The following URB2 variants were observed in gnomAD, a reference collection of about 807,000 sequenced individuals.
URB2 encodes the protein unhealthy ribosome biogenesis protein 2 homolog.
In URB2, 86 loss-of-function variants were observed where a neutral mutation model predicts 120.9. The observed-to-expected ratio is 0.71, with a 90% CI of 0.60 to 0.85. The LOEUF is 0.85. URB2 is among the 40% of genes least tolerant of loss of function. URB2 has a pLI of 0.00. For missense variants in URB2, 1,765 were observed against 1,836.5 expected, an observed-to-expected ratio of 0.96 and a Z score of 0.71; for synonymous variants, 755 against 758.4, an observed-to-expected ratio of 1.00 and a Z score of 0.07.
intron 8 of URB2, 123 bp downstream of exon 8, chr1:229,651,445 A>C: frequency 1.4e-6 from 1 of 692,592 alleles, no homozygotes; most frequent in African/African-American, 1.8e-5. Flanking sequence ...ATGATATCAA[A>C]TGAATACTCA....
At chr1:229,640,703 A>G (rs1023347809) in intron 4 of URB2, among the ~76,000 whole-genome samples, 1 of 152,202 alleles carries the variant, frequency 6.6e-6, no homozygotes, top group Admixed American at 6.5e-5. Context: ...CTGAAGTGCC[A>G]TGGGCCAAAT....
In URB2 at chr1:229,636,620, T is replaced by C; in HGVS notation, c.2007T>C (p.Leu669=). 1 of 1,614,260 alleles carries C rather than the reference T, an allele frequency of 6.2e-7. No individual in the cohort carries two copies. The highest frequency in any genetic ancestry group is 1.3e-5 in the African/African-American group (1 of 75,068). ...IEKFTAQFSS[L]GTYCLEQLYL... ...AGTTTACAGCTCAGTTCAGCTCTCTTGGTACATATTGCTTAGAACAGCTGT... is the reference window on the plus strand; with the variant it reads ...AGTTTACAGCTCAGTTCAGCTCTCTCGGTACATATTGCTTAGAACAGCTGT... The change falls in exon 4 of 10, where the codon CTT becomes CTC. Residue 669 remains leucine, a synonymous_variant. Transcript: ENST00000258243.
Position 229,647,683 on chromosome 1 carries a change from G to C in URB2, c.4080G>C (p.Pro1360=). Residue 1360 remains proline, a synonymous_variant, in exon 7 of 10, where the codon CCG becomes CCC. Transcript: ENST00000258243. The part of the protein sequence containing the change: ...LLTVPLDHLK[P]LEYGSVFPRL... ...CTGTCCCTTTGGACCATCTGAAGCCGCTGGAGTATGGAAGCGTCTTCCCGA... is the reference window on the plus strand; with the variant it reads ...CTGTCCCTTTGGACCATCTGAAGCCCCTGGAGTATGGAAGCGTCTTCCCGA... 3 of 1,614,102 alleles carry C rather than the reference G, an allele frequency of 1.9e-6. No homozygotes were observed. The highest frequency in any genetic ancestry group is 1.7e-6 in the Non-Finnish European group (2 of 1,180,028).
chr1:229,635,395 A>G lies in URB2; in HGVS notation c.782A>G (p.Gln261Arg). The change falls in exon 4 of 10, where the codon CAG becomes CGG. Residue 261 changes from glutamine (Q) to arginine (R), a missense_variant. By Grantham distance (43) the Gln-to-Arg change is conservative. Transcript: ENST00000258243. ...TCCTACAAGGAGGGGCTCTTGGACC[A>G]GCAGCAAGGGGATGTGAAGACGGGA... ...LSSYKEGLLD[Q>R]QQGDVKTGAM... The G allele has an allele frequency of 6.2e-7, 1 of 1,614,142 alleles. No individual in the cohort carries two copies.
chr1:229,639,430 G>A (rs1665947672), intron 4 of URB2, among the ~76,000 whole-genome samples: 1 of 151,800 alleles, frequency 6.6e-6, no homozygotes, highest in Non-Finnish European at 1.5e-5. Flanking sequence ...CGCTTCCCGG[G>A]TTCATGCCAT....
Position 229,635,487 on chromosome 1 carries a change from G to A in URB2, c.874G>A (p.Ala292Thr). ...CAGGCTGGTTGATGCTGGCTACTGT[G>A]CAGCATCCCTTCATACCTCTGTTGT... Reference protein sequence around the residue: ...LNRLVDAGYCAASLHTSVVAN... With the variant: ...LNRLVDAGYCTASLHTSVVAN... Residue 292 changes from alanine (A) to threonine (T), a missense_variant, in exon 4 of 10, where the codon GCA becomes ACA. Ala to Thr is a moderately conservative substitution (Grantham distance 58). Transcript: ENST00000258243. The A allele has an allele frequency of 6.2e-7, 1 of 1,613,626 alleles. No individual in the cohort carries two copies. The highest frequency in any genetic ancestry group is 2.2e-5 in the East Asian group (1 of 44,880).
intron 9 of URB2, among the ~76,000 whole-genome samples, chr1:229,658,412 C>T (rs1353139324): frequency 6.6e-6 from 1 of 152,176 alleles, no homozygotes; most frequent in Non-Finnish European, 1.5e-5. Flanking sequence ...AGAAGTGCAT[C>T]TTTAGGGATG....
intron 7 of URB2, among the ~76,000 whole-genome samples, chr1:229,648,771 A>T (rs1218621928): frequency 6.6e-6 from 1 of 152,236 alleles, no homozygotes; most frequent in African/African-American, 2.4e-5. Flanking sequence ...CTGACTATGT[A>T]TGTAGGAACT....
intron 8 of URB2, 130 bp from the exon 9 acceptor site, chr1:229,654,119 G>A: frequency 7.6e-7 from 1 of 1,320,682 alleles, no homozygotes. Flanking sequence ...TGCAAAATAA[G>A]CCAATTAAAG....
chr1:229,632,505 C>T, intron 3 of URB2, 60 bp downstream of exon 3: 1 of 1,408,606 alleles, frequency 7.1e-7, no homozygotes, highest in Non-Finnish European at 9.4e-7. Context: ...CTTGTTAATG[C>T]TGGAAACTTG....
In URB2 at chr1:229,632,269, G is replaced by T. The variant is rs1306515523; in HGVS notation, c.127G>T (p.Val43Leu). The change falls in exon 3 of 10, where the codon GTG (valine) becomes TTG (leucine). Residue 43 changes from valine (V) to leucine (L), a missense_variant and splice_region_variant. Val to Leu is a conservative substitution (Grantham distance 32, BLOSUM62 1). Transcript: ENST00000258243. Reference protein sequence around the residue: ...HQCFLPNKEQVLLDWARQSLV... With the variant: ...HQCFLPNKEQLLLDWARQSLV... ...CAGTGTATGTGTCCTTCAAATTCAG[G>T]TGTTACTTGATTGGGCAAGACAATC... 6.5e-7 allele frequency: 1 copy of T among 1,548,370 alleles called. No individual in the cohort carries two copies. The highest frequency in any genetic ancestry group is 1.4e-5 in the African/African-American group (1 of 71,030).
rs140116743 is a variant in URB2, at chr1:229,633,006, A to G, written c.303+561A>G. On this transcript the variant is annotated intron_variant, in intron 3 of 9. Coordinates refer to ENST00000258243, the MANE Select transcript of URB2 (RefSeq NM_014777.4). ...ATAGCTAGATACAATAAAAACTACTACTAGTGAGCACTTCATGTGTGCCAG... is the reference window on the plus strand; with the variant it reads ...ATAGCTAGATACAATAAAAACTACTGCTAGTGAGCACTTCATGTGTGCCAG... 7.3e-3 allele frequency among the ~76,000 whole-genome samples: 1,110 copies of G among 152,336 alleles called. 8 individuals carry two copies. Among genetic ancestry groups the G allele is most frequent in the Middle Eastern group, 0.041 (12 of 294 alleles).
chr1:229,645,584 C>T (rs557984984), intron 5 of URB2, among the ~76,000 whole-genome samples: 2 of 152,228 alleles, frequency 1.3e-5, no homozygotes, highest in Admixed American at 6.5e-5. Flanking sequence ...CTGTCCTGGC[C>T]GATTTACGTG....
At chr1:229,630,149 A>G (rs775724507) in intron 2 of URB2, among the ~76,000 whole-genome samples, 3 of 152,148 alleles carry the variant, frequency 2.0e-5, no homozygotes, top group Admixed American at 1.3e-4. Context: ...ACCTCTTTCC[A>G]TGATTCAGGA....
chr1:229,655,547 C>A (rs1033212478), intron 9 of URB2, among the ~76,000 whole-genome samples: 1 of 152,178 alleles, frequency 6.6e-6, no homozygotes, highest in Non-Finnish European at 1.5e-5. Context: ...CAACAGTTAT[C>A]TTACTTTGGA....
chr1:229,648,712 G>C (rs1434551042), intron 7 of URB2, among the ~76,000 whole-genome samples: 4 of 152,190 alleles, frequency 2.6e-5, no homozygotes, highest in Non-Finnish European at 1.5e-5. Flanking sequence ...CTCAAGACTT[G>C]TTATCTTTGA....
Position 229,636,607 on chromosome 1 carries a change from A to C in URB2, c.1994A>C (p.Gln665Pro). Residue 665 changes from glutamine (Q) to proline (P), a missense_variant, in exon 4 of 10, where the codon CAG (glutamine) becomes CCG (proline). Transcript: ENST00000258243. ...HWKKIEKFTA[Q>P]FSSLGTYCLE... is the part of the protein sequence containing the mutation. ...AAGAAGATAGAGAAGTTTACAGCTC[A>C]GTTCAGCTCTCTTGGTACATATTGC... 1 of 1,614,240 alleles carries C rather than the reference A, an allele frequency of 6.2e-7. No individual in the cohort carries two copies. Among genetic ancestry groups the C allele is most frequent in the Non-Finnish European group, 8.5e-7 (1 of 1,180,038 alleles).
rs1225718391 is a variant in URB2, at chr1:229,635,992, A to T, written c.1379A>T (p.Tyr460Phe). ...EALIRTVFQTYAKLRQVPRLF... is the reference protein window; with the variant it reads ...EALIRTVFQTFAKLRQVPRLF... ...CTTATTCGTACTGTCTTCCAGACTT[A>T]TGCCAAACTCCGACAAGTGCCACGG... is the stretch of plus-strand genomic sequence containing the variant. The change falls in exon 4 of 10, where the codon TAT becomes TTT. Residue 460 changes from tyrosine to phenylalanine, a missense_variant. Coordinates refer to ENST00000258243, the MANE Select transcript of URB2 (RefSeq NM_014777.4). 1 of 1,613,948 alleles carries T rather than the reference A, an allele frequency of 6.2e-7. No individual in the cohort carries two copies. The highest frequency in any genetic ancestry group is 1.1e-5 in the South Asian group (1 of 91,082).
chr1:229,647,859 A>G, intron 7 of URB2, 107 bp downstream of exon 7: 2 of 1,481,546 alleles, frequency 1.3e-6, no homozygotes, highest in Non-Finnish European at 1.8e-6. Flanking sequence ...ATAATAATAC[A>G]AATAACGATT....
Sources: allele counts gnomAD v4.1 joint callset (sites outside exome capture counted in the v4.1 genomes callset), GRCh38; gene constraint gnomAD v4.1.1; transcripts MANE v1.5; gene names NCBI Gene and HGNC (gene_info 2026-07-23, HGNC 2026-07-21).